Variants in EML1 observed in about 807,000 individuals in gnomAD.
The protein encoded by EML1 is EMAP like 1, also known as echinoderm microtubule-associated protein-like 1.
EML1 carries 27 observed loss-of-function variants against 110.4 expected under a neutral mutation model. The observed-to-expected ratio is 0.24, with a 90% CI of 0.18 to 0.34. The LOEUF (loss-of-function observed/expected upper bound fraction) is 0.34. EML1 is among the 10% of genes least tolerant of loss of function. The pLI is 1.00. For synonymous variants in EML1, 344 were observed against 385.8 expected (o/e 0.89, Z 1.27); for missense variants, 741 against 1,030.9 (o/e 0.72, Z 3.85).
intron 2 of EML1, among the ~76,000 whole-genome samples, chr14:99,852,073 G>A (rs1034292084): frequency 1.3e-5 from 2 of 151,924 alleles, no homozygotes; most frequent in African/African-American, 4.8e-5. Flanking sequence ...ATTAAATAAT[G>A]TTGTCATTAT....
chr14:99,793,274 C>A (rs965886390), upstream of EML1: 12 of 963,338 alleles, frequency 1.2e-5, no homozygotes, highest in Non-Finnish European at 1.5e-5. Flanking sequence ...AGGCCGCCCC[C>A]TCGCGGGCGG....
chr14:99,737,885 C>G lies in EML1; in HGVS notation c.28+25C>G, dbSNP rs766276125. Reference sequence around the variant, plus strand: ...GGTGAGTGGCAGCGCTATATTTACCCGCTGTGGCTCCGGTTGCAGAGCCAA... The same window carrying G: ...GGTGAGTGGCAGCGCTATATTTACCGGCTGTGGCTCCGGTTGCAGAGCCAA... On this transcript the variant is annotated intron_variant, in intron 1 of 10. Coordinates refer to the EML1 transcript ENST00000554479. 6 of 1,287,610 alleles carry G rather than the reference C, an allele frequency of 4.7e-6. No individual in the cohort carries two copies. In the South Asian group the frequency reaches 7.4e-5, roughly 16 times the overall value. 79.8% of individuals were successfully genotyped at this position (1,287,610 alleles called of 1,614,324 possible).
At chr14:99,788,726 A>C (rs1038215395), upstream of EML1, among the ~76,000 whole-genome samples, 1 of 152,164 alleles carries the variant, frequency 6.6e-6, no homozygotes, top group Admixed American at 6.5e-5. Flanking sequence ...GAGGAGATTC[A>C]CATTGTTCTG....
chr14:99,851,320 T>A (rs2058794983), intron 2 of EML1, among the ~76,000 whole-genome samples: 1 of 152,094 alleles, frequency 6.6e-6, no homozygotes, highest in Non-Finnish European at 1.5e-5. Flanking sequence ...CAGTTCTTTT[T>A]TTTTTGAGAC....
chr14:99,807,600 G>A (rs1053357110), intron 1 of EML1, among the ~76,000 whole-genome samples: 7 of 152,188 alleles, frequency 4.6e-5, no homozygotes, highest in Admixed American at 1.3e-4. Flanking sequence ...TGGGTGGACA[G>A]AGCCGCCAGA....
intron 3 of EML1, among the ~76,000 whole-genome samples, chr14:99,866,952 CA>C (rs750927745): frequency 2.6e-5 from 4 of 152,014 alleles, no homozygotes; most frequent in Non-Finnish European, 4.4e-5. Context: ...ATTTTAGGTT[CA>C]GGGGGTATGT....
intron 1 of EML1, among the ~76,000 whole-genome samples, chr14:99,829,050 A>G (rs528868375): frequency 9.8e-5 from 15 of 152,322 alleles, no homozygotes; most frequent in Admixed American, 8.5e-4. Context: ...AACACAGTGT[A>G]TATAGGGTTC....
Position 99,746,710 on chromosome 14 carries a change from C to A in EML1, c.28+8850C>A, listed in dbSNP as rs541573639. On this transcript the variant is annotated intron_variant, in intron 1 of 10. Coordinates refer to the EML1 transcript ENST00000554479. ...CCCCACGCCCTGGGCCCCCTCCACG[C>A]AGCCCAGGGCCTCACACCATCCCCA... Among the ~76,000 whole-genome samples, 595 of 152,264 alleles carry A rather than the reference C, an allele frequency of 3.9e-3. 1 individual carries two copies. Among genetic ancestry groups the A allele is most frequent in the East Asian group, 7.6e-3 (39 of 5,158 alleles).
At chr14:99,797,235 C>T (rs533677750) in intron 1 of EML1, among the ~76,000 whole-genome samples, 28 of 152,302 alleles carry the variant, frequency 1.8e-4, no homozygotes, top group African/African-American at 6.7e-4. Context: ...TTTCACTTAG[C>T]ATATGTTTTA....
chr14:99,940,172 T>C lies in EML1; in HGVS notation c.*60T>C, dbSNP rs1486125126. ...AGGAAGACACAGACTCGCATTACCC[T>C]TGGTCACTGTGATTTCTGTTTTGTT... On this transcript the variant is annotated 3_prime_UTR_variant, in exon 22 of 22. Coordinates refer to ENST00000262233, the MANE Select transcript of EML1 (RefSeq NM_004434.3). 4 of 1,409,174 alleles carry C rather than the reference T, an allele frequency of 2.8e-6. No homozygotes were observed. In the African/African-American group the frequency reaches 5.9e-5, roughly 21 times the overall value. The allele number at this position is 1,409,174 out of a possible 1,614,324, so 87.3% of individuals were successfully genotyped here.
chr14:99,822,035 G>A (rs949647337), intron 1 of EML1, among the ~76,000 whole-genome samples: 2 of 152,154 alleles, frequency 1.3e-5, no homozygotes, highest in African/African-American at 4.8e-5. Flanking sequence ...CCAGCCTGGT[G>A]TGTGAGATGA....
intron 1 of EML1, 93 bp from the exon 2 acceptor site, chr14:99,850,760 A>G: frequency 7.2e-7 from 1 of 1,379,630 alleles, no homozygotes; most frequent in South Asian, 1.4e-5. Context: ...ATGTTAAAAC[A>G]ATGGGCTTAA....
At chr14:99,780,603 C>T (rs1211818342) in intron 1 of EML1, among the ~76,000 whole-genome samples, 2 of 152,142 alleles carry the variant, frequency 1.3e-5, no homozygotes, top group Admixed American at 1.3e-4. Flanking sequence ...GTTTATGTTG[C>T]CAACAAGTGC....
intron 9 of EML1, among the ~76,000 whole-genome samples, chr14:99,903,818 C>G: frequency 6.8e-6 from 1 of 146,270 alleles, no homozygotes; most frequent in East Asian, 2.0e-4. Flanking sequence ...GAGTCTCACT[C>G]TGTCACCCAG....
At chr14:99,831,810 T>C (rs2058459380) in intron 1 of EML1, among the ~76,000 whole-genome samples, 1 of 152,044 alleles carries the variant, frequency 6.6e-6, no homozygotes, top group Non-Finnish European at 1.5e-5. Context: ...TTAACAAATA[T>C]ACAATTTTTT....
At chr14:99,914,029 A>G (rs2059990750) in intron 13 of EML1, 150 bp from the exon 14 acceptor site, 1 of 961,546 alleles carries the variant, frequency 1.0e-6, no homozygotes, top group Non-Finnish European at 1.5e-6. Flanking sequence ...ATATATGTAT[A>G]TACAACATAT....
At chr14:99,777,877 G>A (rs2057500201) in intron 1 of EML1, among the ~76,000 whole-genome samples, 1 of 152,122 alleles carries the variant, frequency 6.6e-6, no homozygotes, top group Non-Finnish European at 1.5e-5. Context: ...TCAACCTCCT[G>A]TGGCTCAAGT....
chr14:99,900,088 G>A (rs2059735668), intron 8 of EML1, among the ~76,000 whole-genome samples: 1 of 151,594 alleles, frequency 6.6e-6, no homozygotes, highest in Non-Finnish European at 1.5e-5. Flanking sequence ...AAATAACCTA[G>A]GAACACAGTT....
chr14:99,889,586 A>G (rs1382515377), intron 4 of EML1, among the ~76,000 whole-genome samples: 3 of 152,208 alleles, frequency 2.0e-5, no homozygotes, highest in African/African-American at 4.8e-5. Flanking sequence ...AGCAGCGAAC[A>G]TGAATCCGTA....
Sources: allele counts gnomAD v4.1 joint callset (sites outside exome capture counted in the v4.1 genomes callset), GRCh38; gene constraint gnomAD v4.1.1; transcripts MANE v1.5; gene names NCBI Gene and HGNC (gene_info 2026-07-23, HGNC 2026-07-21).